The following HCN1 variants were observed in gnomAD, a reference collection of about 807,000 sequenced individuals.
HCN1 encodes hyperpolarization activated cyclic nucleotide gated potassium channel 1.
Under a neutral mutation model 78.9 loss-of-function variants are expected in HCN1, and 13 were observed. That is an observed-to-expected ratio of 0.16 (90% confidence interval 0.11 to 0.26). HCN1 has a LOEUF of 0.26. Ranked by LOEUF, HCN1 falls within the 10% of genes least tolerant of loss-of-function variation. The probability of loss-of-function intolerance (pLI) is 1.00; values close to 1 mark genes in which losing one functional copy is unlikely to be tolerated. For missense variants in HCN1, 810 were observed against 1,154.3 expected, an observed-to-expected ratio of 0.70 and a Z score of 4.32; for synonymous variants, 552 against 455.5, an observed-to-expected ratio of 1.21 and a Z score of -2.70.
chr5:45,501,728 C>T (rs1742192605), intron 2 of HCN1, among the ~76,000 whole-genome samples: 1 of 152,178 alleles, frequency 6.6e-6, no homozygotes, highest in Admixed American at 6.5e-5. Flanking sequence ...GCACGAGCCA[C>T]TGTGCCCAGC....
chr5:45,369,371 T>C (rs1747301357), intron 4 of HCN1, among the ~76,000 whole-genome samples: 1 of 148,380 alleles, frequency 6.7e-6, no homozygotes, highest in South Asian at 2.1e-4. Flanking sequence ...AATGTAAATC[T>C]GCCCATGGCA....
At chr5:45,318,163 C>T (rs1185869814) in intron 5 of HCN1, among the ~76,000 whole-genome samples, 1 of 152,108 alleles carries the variant, frequency 6.6e-6, no homozygotes, top group Admixed American at 6.6e-5. Flanking sequence ...TTGGAAACAA[C>T]CCAAACGTCC....
At chr5:45,498,097 G>T (rs1008108425) in intron 2 of HCN1, among the ~76,000 whole-genome samples, 1 of 152,066 alleles carries the variant, frequency 6.6e-6, no homozygotes, top group East Asian at 1.9e-4. Flanking sequence ...TATCTTTGTG[G>T]CGTTCTCTTT....
chr5:45,267,671 G>A (rs1744887869), intron 6 of HCN1, among the ~76,000 whole-genome samples: 1 of 152,096 alleles, frequency 6.6e-6, no homozygotes, highest in African/African-American at 2.4e-5. Context: ...GGGAGGCTGA[G>A]GCAGGAGAAT....
chr5:45,367,261 A>C (rs1441470050), intron 4 of HCN1, among the ~76,000 whole-genome samples: 1 of 151,878 alleles, frequency 6.6e-6, no homozygotes, highest in Non-Finnish European at 1.5e-5. Flanking sequence ...ATATGTATGT[A>C]TTTTGTATAC....
intron 4 of HCN1, among the ~76,000 whole-genome samples, chr5:45,372,060 T>TTA (rs1436145054): frequency 1.7e-5 from 1 of 58,192 alleles, no homozygotes; most frequent in African/African-American, 9.1e-5. Context: ...TATAATATAA[T>TTA]TATATTATAT....
rs576243824 is a variant in HCN1, at chr5:45,303,961, C to T, written c.1378-122G>A. 6.1e-5 allele frequency: 57 copies of T among 940,674 alleles called. No homozygotes were observed. In the African/African-American group the frequency reaches 8.3e-4, roughly 14 times the overall value. 58.3% of individuals were successfully genotyped at this position (940,674 alleles called of 1,614,324 possible). On this transcript the variant is annotated intron_variant, in intron 5 of 7. Transcript: ENST00000303230. ...TAATTTAAATTTAGATACAAAAATTCATAAATTCTAGTAATGCGCATCATA... is the reference window on the plus strand; with the variant it reads ...TAATTTAAATTTAGATACAAAAATTTATAAATTCTAGTAATGCGCATCATA...
Position 45,262,114 on chromosome 5 carries a change from A to G in HCN1, c.2480T>C (p.Leu827Pro). The G allele has an allele frequency of 1.9e-6, 3 of 1,612,742 alleles. No individual in the cohort carries two copies. Among genetic ancestry groups the G allele is most frequent in the Non-Finnish European group, 2.5e-6 (3 of 1,179,134 alleles). ...QPVTAVPGTG[L>P]QAGGRSTVPQ... The stretch of plus-strand genomic sequence containing the variant: ...GACAGTGCTCCTGCCCCCTGCCTGA[A>G]GGCCCGTTCCGGGGACCGCCGTCAC... The change falls in exon 8 of 8, where the codon CTT (leucine) becomes CCT (proline). Residue 827 changes from leucine to proline, a missense_variant. Transcript: ENST00000303230.
At chr5:45,346,899 G>A (rs1183171208) in intron 5 of HCN1, among the ~76,000 whole-genome samples, 1 of 152,208 alleles carries the variant, frequency 6.6e-6, no homozygotes, top group South Asian at 2.1e-4. Context: ...AGCTCAAGGA[G>A]GCCTGCCTGC....
intron 5 of HCN1, among the ~76,000 whole-genome samples, chr5:45,340,275 T>C (rs766157752): frequency 1.3e-5 from 2 of 152,160 alleles, no homozygotes; most frequent in Non-Finnish European, 2.9e-5. Flanking sequence ...TTATCTTCAT[T>C]ATATATTACC....
At chr5:45,372,770 A>T (rs528510062) in intron 4 of HCN1, among the ~76,000 whole-genome samples, 14 of 143,324 alleles carry the variant, frequency 9.8e-5, no homozygotes, top group African/African-American at 3.5e-4. Context: ...ACAAAAATAT[A>T]TACGTATTCT....
At chr5:45,455,269 G>A (rs1294933333) in intron 3 of HCN1, among the ~76,000 whole-genome samples, 1 of 152,010 alleles carries the variant, frequency 6.6e-6, no homozygotes. Flanking sequence ...TGCTCTTTGG[G>A]CAGTGCAAAC....
intron 7 of HCN1, among the ~76,000 whole-genome samples, chr5:45,264,308 G>C (rs113852701): frequency 2.5e-3 from 386 of 152,212 alleles, no homozygotes; most frequent in Non-Finnish European, 4.6e-3. Flanking sequence ...TGCAATACTA[G>C]ACAGTCTCTG....
chr5:45,545,874 T>C (rs1743213391), intron 2 of HCN1, among the ~76,000 whole-genome samples: 2 of 152,040 alleles, frequency 1.3e-5, no homozygotes, highest in South Asian at 2.1e-4. Context: ...TACTGTAATA[T>C]AGACCCCATT....
chr5:45,276,362 T>G (rs575001351), intron 6 of HCN1, among the ~76,000 whole-genome samples: 1 of 152,230 alleles, frequency 6.6e-6, no homozygotes, highest in African/African-American at 2.4e-5. Flanking sequence ...ATCACCTGGG[T>G]TGTCTTACTG....
intron 1 of HCN1, among the ~76,000 whole-genome samples, chr5:45,658,030 G>T (rs934027444): frequency 5.9e-5 from 9 of 152,288 alleles, no homozygotes; most frequent in African/African-American, 1.9e-4. Flanking sequence ...CATGGTACTG[G>T]TACCAAAACA....
chr5:45,652,123 A>G (rs1214082194), intron 1 of HCN1, among the ~76,000 whole-genome samples: 1 of 151,994 alleles, frequency 6.6e-6, no homozygotes, highest in African/African-American at 2.4e-5. Context: ...GAAATTTAAA[A>G]CCTATGAAAG....
chr5:45,359,801 A>G (rs558635511), intron 4 of HCN1, among the ~76,000 whole-genome samples: 19 of 152,026 alleles, frequency 1.2e-4, no homozygotes, highest in African/African-American at 4.3e-4. Flanking sequence ...GTGTTTACAC[A>G]TATCTGAGTG....
chr5:45,401,897 C>A (rs1485845593), intron 3 of HCN1, among the ~76,000 whole-genome samples: 1 of 151,978 alleles, frequency 6.6e-6, no homozygotes, highest in Non-Finnish European at 1.5e-5. Context: ...TTTAATTAAA[C>A]AAGGTCCTTG....
Sources: allele counts gnomAD v4.1 joint callset (sites outside exome capture counted in the v4.1 genomes callset), GRCh38; gene constraint gnomAD v4.1.1; transcripts MANE v1.5; gene names NCBI Gene and HGNC (gene_info 2026-07-23, HGNC 2026-07-21).